SYBU: variants seen among roughly 807,000 people sequenced by gnomAD.
The protein encoded by SYBU is syntabulin, also known as GOLSYN A protein.
In SYBU, 21 loss-of-function variants were observed where a neutral mutation model predicts 35.9. The ratio of observed to expected loss-of-function variants is 0.58; its 90% CI spans 0.41 to 0.84. The LOEUF is 0.84. Ranked by LOEUF, SYBU falls within the 40% of genes least tolerant of loss-of-function variation. The pLI, the probability that SYBU is intolerant of heterozygous loss-of-function variation, is 0.00. For missense variants in SYBU, 768 were observed against 848.2 expected (o/e 0.91, Z 1.17); for synonymous variants, 319 against 324.3 (o/e 0.98, Z 0.18).
intron 3 of SYBU, among the ~76,000 whole-genome samples, chr8:109,598,088 T>C (rs1397736262): frequency 6.6e-6 from 1 of 152,216 alleles, no homozygotes; most frequent in Admixed American, 6.5e-5. Context: ...ATATATGTTT[T>C]AATAAGCCCT....
chr8:109,644,900 C>T (rs1815452134), upstream of SYBU: 3 of 552,766 alleles, frequency 5.4e-6, no homozygotes, highest in East Asian at 3.2e-5. Context: ...CCTGGGGCGC[C>T]TCCCACGCCC....
At chr8:109,628,003 C>A (rs1293272105) in intron 2 of SYBU, among the ~76,000 whole-genome samples, 1 of 152,222 alleles carries the variant, frequency 6.6e-6, no homozygotes, top group Admixed American at 6.5e-5. Context: ...CAATATGTCA[C>A]TAACCAGTGG....
chr8:109,638,345 C>T (rs1034066786), intron 2 of SYBU, among the ~76,000 whole-genome samples: 3 of 152,098 alleles, frequency 2.0e-5, no homozygotes, highest in Non-Finnish European at 4.4e-5. Context: ...GGTACAGTAA[C>T]AAACACAATT....
intron 2 of SYBU, among the ~76,000 whole-genome samples, chr8:109,637,039 C>G (rs1814307022): frequency 6.6e-6 from 1 of 152,142 alleles, no homozygotes; most frequent in Admixed American, 6.5e-5. Context: ...TGGGCATACC[C>G]CTCATACTCC....
intron 2 of SYBU, among the ~76,000 whole-genome samples, chr8:109,622,657 C>A (rs948529476): frequency 1.3e-5 from 2 of 152,172 alleles, no homozygotes; most frequent in South Asian, 4.1e-4. Context: ...ATTTATTAAA[C>A]CTGCTTCAGT....
At position 109,691,500 on chromosome 8, in the gene SYBU, T is replaced by C. The variant is rs1161694439; in HGVS notation, c.-225A>G. ...CGGGCCCGGCCCGCTCCGCCCGCCT[T>C]AGCCCGGCTTGGACACGTGGTGCCG... On this transcript the variant is annotated 5_prime_UTR_variant, in exon 1 of 8. Coordinates refer to the SYBU transcript ENST00000422135. This position sits in a 1 kb window ranked among gnomAD's most constrained non-coding sequence, Gnocchi z 4.7. 3.9e-6 allele frequency: 2 copies of C among 511,792 alleles called. No homozygotes were observed. The highest frequency in any genetic ancestry group is 6.7e-6 in the Non-Finnish European group (2 of 296,576). 31.7% of individuals were successfully genotyped at this position (511,792 alleles called of 1,614,324 possible).
chr8:109,682,132 T>G (rs967135386), upstream of SYBU, among the ~76,000 whole-genome samples: 6 of 152,114 alleles, frequency 3.9e-5, no homozygotes, highest in African/African-American at 1.4e-4. Flanking sequence ...ATACAGTAAA[T>G]TGGTACCTGG....
In SYBU at chr8:109,574,148, A is replaced by G. The variant is rs368926664; in HGVS notation, c.*758T>C. On this transcript the variant is annotated 3_prime_UTR_variant, in exon 7 of 7. Coordinates refer to ENST00000276646, the MANE Select transcript of SYBU (RefSeq NM_001099754.2). ...AGATCTGCTATTCATTGTCTTTCTT[A>G]TACATAGAAGTAAAATCACAGAAAT... 8 of 152,214 alleles carry G rather than the reference A, an allele frequency of 5.3e-5. No homozygotes were observed. The highest frequency in any genetic ancestry group is 2.1e-4 in the South Asian group (1 of 4,832). 9.4% of individuals were successfully genotyped at this position (152,214 alleles called of 1,614,324 possible). A position where few individuals can be genotyped will look rare whatever the true frequency, so the allele number is the denominator to read the frequency against.
chr8:109,583,975 A>ATT lies in SYBU; in HGVS notation c.530+2083_530+2084dup, dbSNP rs375357215. 1.0e-2 allele frequency among the ~76,000 whole-genome samples: 1,446 copies of ATT among 144,602 alleles called. 7 individuals are homozygous for ATT. The highest frequency in any genetic ancestry group is 0.037 in the Middle Eastern group (10 of 270). 94.9% of individuals were successfully genotyped at this position (144,602 alleles called of 152,430 possible). A position where few individuals can be genotyped will look rare whatever the true frequency, so the allele number is the denominator to read the frequency against. Reference sequence around the variant, plus strand: ...AGGCACCCACCTACATGCCCGGCTAATTTTTTTTTTTTTTGTATTTTTAGT... The same window carrying ATT: ...AGGCACCCACCTACATGCCCGGCTAATTTTTTTTTTTTTTTTGTATTTTTAGT... On this transcript the variant is annotated intron_variant, in intron 4 of 6. Transcript: ENST00000276646.
Position 109,642,798 on chromosome 8 carries a change from C to G in SYBU, c.159G>C (p.Glu53Asp). Residue 53 changes from glutamate (E) to aspartate (D), a missense_variant, in exon 2 of 7, where the codon GAG becomes GAC. Transcript: ENST00000276646. ...PASESPFSEE[E>D]SREFNPSSSG... is the part of the protein sequence containing the mutation. The stretch of plus-strand genomic sequence containing the variant: ...AGCTGCTGGGGTTGAACTCTCTGCT[C>G]TCTTCCTCAGAGAAAGGAGACTCAG... 1 of 1,613,800 alleles carries G rather than the reference C, an allele frequency of 6.2e-7. No individual in the cohort carries two copies. The highest frequency in any genetic ancestry group is 8.5e-7 in the Non-Finnish European group (1 of 1,179,840).
upstream of SYBU, chr8:109,645,626 G>GTTTTTTTTTTTTTTTTTTTTTTTTT (rs201121007): frequency 3.6e-4 from 89 of 244,820 alleles, 3 homozygotes; most frequent in African/African-American, 2.2e-3. Context: ...TTGTTGTTTC[G>GTTTTTTTTTTTTTTTTTTTTTTTTT]TTTTTTGTTT....
chr8:109,656,048 G>C (rs534346699), intron 1 of SYBU, among the ~76,000 whole-genome samples: 3 of 152,080 alleles, frequency 2.0e-5, no homozygotes, highest in Non-Finnish European at 4.4e-5. Context: ...CCCAGGAAGC[G>C]GAGGTTGCAG....
intron 1 of SYBU, among the ~76,000 whole-genome samples, chr8:109,676,792 A>T (rs1339118330): frequency 6.6e-6 from 1 of 152,204 alleles, no homozygotes; most frequent in African/African-American, 2.4e-5. Flanking sequence ...AAATGACTTA[A>T]ATATTGTCTT....
intron 2 of SYBU, among the ~76,000 whole-genome samples, chr8:109,636,023 G>T (rs16879840): frequency 0.064 from 9,810 of 152,178 alleles, 531 homozygotes; most frequent in African/African-American, 0.15. Context: ...AGTTCCCTCT[G>T]TTGTCTTCTA....
At chr8:109,665,122 C>G (rs1327219375) in intron 1 of SYBU, among the ~76,000 whole-genome samples, 2 of 152,046 alleles carry the variant, frequency 1.3e-5, no homozygotes, top group African/African-American at 4.8e-5. Context: ...TTTTAAACTT[C>G]CTACCAGTAA....
chr8:109,592,181 T>G (rs1159423091), intron 3 of SYBU, among the ~76,000 whole-genome samples: 1 of 152,136 alleles, frequency 6.6e-6, no homozygotes, highest in Non-Finnish European at 1.5e-5. Flanking sequence ...ATTACATCTA[T>G]CCCTTAAAAA....
Position 109,575,908 on chromosome 8 carries a change from G to A in SYBU, c.990C>T (p.Ala330=). 1 of 1,613,870 alleles carries A rather than the reference G, an allele frequency of 6.2e-7. No homozygotes were observed. ...GTTTGAGCTGTTTAATCTCTTTCCT[G>A]GCTTCTTTGAGTGCCAACTGGGCCT... ...RVEAQLALKE[A]RKEIKQLKQV... is the part of the protein sequence containing the mutation. Residue 330 remains alanine, a synonymous_variant, in exon 7 of 7, where the codon GCC becomes GCT. Coordinates refer to ENST00000276646, the MANE Select transcript of SYBU (RefSeq NM_001099754.2).
intron 1 of SYBU, among the ~76,000 whole-genome samples, chr8:109,663,642 C>T (rs1438415403): frequency 1.3e-5 from 2 of 151,878 alleles, no homozygotes; most frequent in Non-Finnish European, 2.9e-5. Flanking sequence ...TTTATTATTC[C>T]TTTTAGTCTT....
At chr8:109,663,386 G>C (rs1816644440) in intron 1 of SYBU, among the ~76,000 whole-genome samples, 1 of 152,086 alleles carries the variant, frequency 6.6e-6, no homozygotes, top group Admixed American at 6.6e-5. Context: ...ATACAAGATA[G>C]TTTCTGGGTC....
Sources: allele counts gnomAD v4.1 joint callset (sites outside exome capture counted in the v4.1 genomes callset), GRCh38; gene constraint gnomAD v4.1.1; non-coding constraint Gnocchi (gnomAD v3.1); transcripts MANE v1.5; gene names NCBI Gene and HGNC (gene_info 2026-07-23, HGNC 2026-07-21).